The following COL22A1 variants were observed in gnomAD, a reference collection of about 807,000 sequenced individuals.
COL22A1 encodes collagen type XXII alpha 1 chain.
A neutral mutation model predicts 248.9 loss-of-function variants in COL22A1; 221 were observed. The ratio of observed to expected loss-of-function variants is 0.89; its 90% CI spans 0.80 to 0.99. The LOEUF (loss-of-function observed/expected upper bound fraction) is 0.99. Ranked by LOEUF, COL22A1 falls within the 50% of genes least tolerant of loss-of-function variation. The pLI is 0.00. For missense variants in COL22A1, 2,240 were observed against 2,179.0 expected, an observed-to-expected ratio of 1.03 and a Z score of -0.56; for synonymous variants, 891 against 793.4, an observed-to-expected ratio of 1.12 and a Z score of -2.07.
At chr8:138,594,718 G>A (rs938278389) in intron 62 of COL22A1, among the ~76,000 whole-genome samples, 1 of 152,190 alleles carries the variant, frequency 6.6e-6, no homozygotes, top group Admixed American at 6.5e-5. Context: ...CCCAGGCGCA[G>A]AACGACGGAA....
intron 9 of COL22A1, among the ~76,000 whole-genome samples, chr8:138,808,079 G>A (rs1243070393): frequency 5.9e-5 from 9 of 152,186 alleles, no homozygotes; most frequent in Non-Finnish European, 1.5e-5. Context: ...GGCACAGAAA[G>A]ACAAATACCA....
At chr8:138,703,044 G>T (rs1030014700) in intron 31 of COL22A1, among the ~76,000 whole-genome samples, 2 of 152,366 alleles carry the variant, frequency 1.3e-5, no homozygotes, top group Admixed American at 6.5e-5. Flanking sequence ...TTCCCCATAT[G>T]TGACAGGCAG....
At chr8:138,620,929 TCAAC>T (rs1313100507) in intron 52 of COL22A1, among the ~76,000 whole-genome samples, 61 of 149,486 alleles carry the variant, frequency 4.1e-4, no homozygotes, top group African/African-American at 1.2e-3. Flanking sequence ...ATCCATCCAT[TCAAC>T]CAACCAAGCA....
At chr8:138,792,213 C>T (rs939539300) in intron 12 of COL22A1, among the ~76,000 whole-genome samples, 1 of 152,204 alleles carries the variant, frequency 6.6e-6, no homozygotes, top group Non-Finnish European at 1.5e-5. Flanking sequence ...CTCTTCAGGA[C>T]CCAACACTGT....
chr8:138,883,155 C>A lies in COL22A1; in HGVS notation c.18G>T (p.Gly6=). Residue 6 remains glycine, a synonymous_variant, in exon 2 of 65, where the codon GGG becomes GGT. Transcript: ENST00000303045. ...TCCAGAGGAGGCCAGCCACAGCGTT[C>A]CCTCGGAGGCCGGCCATGGCTCTCC... MAGLR[G]NAVAGLLWML... is the part of the protein sequence containing the mutation. The A allele has an allele frequency of 6.3e-7, 1 of 1,593,910 alleles. No homozygotes were observed. The highest frequency in any genetic ancestry group is 1.7e-5 in the Admixed American group (1 of 57,302).
chr8:138,715,568 TTA>T (rs370969245), intron 30 of COL22A1, 112 bp downstream of exon 30: 39,931 of 426,400 alleles, frequency 0.094, 68 homozygotes, highest in East Asian at 0.18. Flanking sequence ...GACTCTCATT[TTA>T]AAAAAAAAAA....
At chr8:138,602,908 C>T (rs922250394) in intron 59 of COL22A1, among the ~76,000 whole-genome samples, 3 of 152,230 alleles carry the variant, frequency 2.0e-5, no homozygotes, top group African/African-American at 7.2e-5. Context: ...CCAGCTGACA[C>T]CTAACTTTCT....
intron 3 of COL22A1, among the ~76,000 whole-genome samples, chr8:138,853,430 A>G (rs1821782682): frequency 6.6e-6 from 1 of 152,180 alleles, no homozygotes; most frequent in African/African-American, 2.4e-5. Context: ...TTTCAGGAAA[A>G]CACACATACT....
chr8:138,755,563 G>C (rs768576573), intron 19 of COL22A1, 52 bp from the exon 20 acceptor site: 2 of 1,596,462 alleles, frequency 1.3e-6, no homozygotes, highest in East Asian at 4.5e-5. Context: ...CGCAACCACA[G>C]TCAACCTCTC....
intron 22 of COL22A1, among the ~76,000 whole-genome samples, chr8:138,743,722 C>T (rs1194023212): frequency 1.3e-5 from 2 of 152,156 alleles, no homozygotes; most frequent in Non-Finnish European, 2.9e-5. Flanking sequence ...TTTTAAATTG[C>T]TACCCAGCAC....
intron 1 of COL22A1, among the ~76,000 whole-genome samples, chr8:138,888,872 A>G (rs1045803075): frequency 6.6e-6 from 1 of 152,184 alleles, no homozygotes; most frequent in Non-Finnish European, 1.5e-5. Flanking sequence ...CCTAGCATGT[A>G]GTGGTCACCT....
chr8:138,774,856 G>A (rs140214657), intron 16 of COL22A1, among the ~76,000 whole-genome samples: 193 of 152,302 alleles, frequency 1.3e-3, no homozygotes, highest in Non-Finnish European at 2.3e-3. Context: ...CTCTACAGCA[G>A]CACGGAGAAA....
intron 6 of COL22A1, among the ~76,000 whole-genome samples, chr8:138,822,584 C>T (rs1259290514): frequency 6.6e-6 from 1 of 152,172 alleles, no homozygotes; most frequent in Non-Finnish European, 1.5e-5. Context: ...GGTTAGTCTT[C>T]ATCTGCTCTA....
chr8:138,623,023 G>A (rs1819933435), intron 52 of COL22A1, among the ~76,000 whole-genome samples: 1 of 151,804 alleles, frequency 6.6e-6, no homozygotes, highest in South Asian at 2.1e-4. Flanking sequence ...AAGAAGGACT[G>A]ACCAAACTCA....
At chr8:138,693,724 G>C in intron 34 of COL22A1, 25 bp from the exon 35 acceptor site, 1 of 1,557,318 alleles carries the variant, frequency 6.4e-7, no homozygotes, top group Non-Finnish European at 8.7e-7. Context: ...AAAGAGGGGC[G>C]GGGGTAAGAC....
At chr8:138,689,089 C>G (rs1826606795) in intron 36 of COL22A1, 119 bp from the exon 37 acceptor site, 1 of 772,020 alleles carries the variant, frequency 1.3e-6, no homozygotes, top group Non-Finnish European at 2.3e-6. Context: ...ACAGCTCCCA[C>G]CCAATTCCCA....
intron 47 of COL22A1, among the ~76,000 whole-genome samples, chr8:138,645,223 C>T (rs1010544685): frequency 6.6e-6 from 1 of 152,102 alleles, no homozygotes; most frequent in African/African-American, 2.4e-5. Context: ...CAAACATGTA[C>T]AGCTACTGCA....
At position 138,812,947 on chromosome 8, in the gene COL22A1, A is replaced by C; in HGVS notation, c.1318T>G (p.Ser440Ala). The change falls in exon 8 of 65, where the codon TCG becomes GCG. Residue 440 changes from serine to alanine, a missense_variant. Coordinates refer to ENST00000303045, the MANE Select transcript of COL22A1 (RefSeq NM_152888.3). Reference protein sequence around the residue: ...AELETCCDIPSGPCQVTVVTE... With the variant: ...AELETCCDIPAGPCQVTVVTE... The stretch of plus-strand genomic sequence containing the variant: ...TGCGAGAGTCTGCTCACCGGACCCG[A>C]GGGGATATCACAACAAGTCTCCAAT... 3 of 1,613,114 alleles carry C rather than the reference A, an allele frequency of 1.9e-6. No homozygotes were observed. Among genetic ancestry groups the C allele is most frequent in the Non-Finnish European group, 2.5e-6 (3 of 1,179,162 alleles).
intron 32 of COL22A1, among the ~76,000 whole-genome samples, chr8:138,697,006 G>T (rs971218322): frequency 6.6e-6 from 1 of 152,180 alleles, no homozygotes; most frequent in Non-Finnish European, 1.5e-5. Context: ...GAAGACATTT[G>T]TACAGTCTTC....
Sources: gnomAD v4.1 joint callset for allele counts (sites outside exome capture counted in the v4.1 genomes callset) on GRCh38, gnomAD v4.1.1 for gene constraint, MANE v1.5 for transcripts, NCBI Gene and HGNC (gene_info 2026-07-23, HGNC 2026-07-21) for gene names.